TM4SF4: variants seen among roughly 807,000 people sequenced by gnomAD.
The protein encoded by TM4SF4 is transmembrane 4 L six family member 4.
In TM4SF4, 24 loss-of-function variants were observed where a neutral mutation model predicts 24.1. That is an observed-to-expected ratio of 1.00 (90% CI 0.72 to 1.40). The LOEUF (loss-of-function observed/expected upper bound fraction) is 1.40. Among genes scored for constraint, TM4SF4 ranks in the 40% most tolerant of loss-of-function variants. TM4SF4 has a pLI of 0.00. For synonymous variants in TM4SF4, 113 were observed against 97.0 expected (o/e 1.17, Z -0.97); for missense variants, 254 against 254.2 (o/e 1.00, Z 0.01).
rs1490309033 is a variant in TM4SF4, at chr3:149,502,900, A to G, written c.*207A>G. 4.2e-6 allele frequency: 2 copies of G among 478,518 alleles called. No individual in the cohort carries two copies. The highest frequency in any genetic ancestry group is 7.4e-6 in the Non-Finnish European group (2 of 270,224). The allele number at this position is 478,518 out of a possible 1,614,324, so 29.6% of individuals were successfully genotyped here. ...AAAAAATAGTTTGGCCACTTAACAA[A>G]TTTGATTTATAAATCTTTCAAATTA... On this transcript the variant is annotated 3_prime_UTR_variant, in exon 5 of 5. Transcript: ENST00000305354.
intron 4 of TM4SF4, among the ~76,000 whole-genome samples, chr3:149,501,307 A>C (rs895501284): frequency 1.3e-5 from 2 of 151,858 alleles, no homozygotes; most frequent in Non-Finnish European, 2.9e-5. Flanking sequence ...ACACACAAGA[A>C]TTGTCCATTT....
intron 3 of TM4SF4, 143 bp downstream of exon 3, chr3:149,487,898 T>A: frequency 3.3e-6 from 4 of 1,199,394 alleles, no homozygotes; most frequent in Non-Finnish European, 4.6e-6. Context: ...AGAGATGGAG[T>A]TGTGGAATAC....
intron 2 of TM4SF4, among the ~76,000 whole-genome samples, chr3:149,482,355 G>A (rs1734047857): frequency 6.6e-6 from 1 of 152,244 alleles, no homozygotes; most frequent in South Asian, 2.1e-4. Flanking sequence ...TATGCCCATA[G>A]CACAAAAACC....
intron 3 of TM4SF4, chr3:149,494,969 T>G (rs13084349): frequency 0.85 from 154,586 of 182,180 alleles, 67,310 homozygotes; most frequent in Non-Finnish European, 0.95. Context: ...CACATCTCAG[T>G]CTGACTGTGC....
intron 3 of TM4SF4, among the ~76,000 whole-genome samples, chr3:149,496,581 C>A (rs894200058): frequency 6.6e-6 from 1 of 152,074 alleles, no homozygotes; most frequent in African/African-American, 2.4e-5. Context: ...CCAGCCTGAC[C>A]AACATGGAGA....
chr3:149,485,826 A>G (rs1225120157), intron 2 of TM4SF4, among the ~76,000 whole-genome samples: 1 of 152,086 alleles, frequency 6.6e-6, no homozygotes, highest in East Asian at 1.9e-4. Flanking sequence ...AAAAAAACCT[A>G]TGCATTATTG....
In TM4SF4 at chr3:149,498,704, C is replaced by A; in HGVS notation, c.402-18C>A. Reference sequence around the variant, plus strand: ...CACTTTTTACAAATGTTTCCTTTGTCCCCTATATCACCAACAGGGATTATC... The same window carrying A: ...CACTTTTTACAAATGTTTCCTTTGTACCCTATATCACCAACAGGGATTATC... On this transcript the variant is annotated intron_variant, in intron 3 of 4. Transcript: ENST00000305354. The A allele has an allele frequency of 6.2e-7, 1 of 1,611,632 alleles. No individual in the cohort carries two copies. Among genetic ancestry groups the A allele is most frequent in the Non-Finnish European group, 8.5e-7 (1 of 1,177,946 alleles).
chr3:149,491,559 A>C (rs766528719), intron 3 of TM4SF4, among the ~76,000 whole-genome samples: 1 of 151,130 alleles, frequency 6.6e-6, no homozygotes, highest in Non-Finnish European at 1.5e-5. Context: ...ATCTACTTTT[A>C]TATATGTGTA....
In TM4SF4 at chr3:149,503,384, T is replaced by A. The variant is rs1734465842; in HGVS notation, c.*691T>A. The A allele has an allele frequency of 6.6e-6, 1 of 152,252 alleles. No homozygotes were observed. Among genetic ancestry groups the A allele is most frequent in the Non-Finnish European group, 1.5e-5 (1 of 68,064 alleles). 9.4% of individuals were successfully genotyped at this position (152,252 alleles called of 1,614,324 possible). The stretch of plus-strand genomic sequence containing the variant: ...CTTTGATCAAACAAAAAAAAGTTTT[T>A]AAAAAATTGATTTAAGTAATAATTT... On this transcript the variant is annotated 3_prime_UTR_variant, in exon 5 of 5. Coordinates refer to ENST00000305354, the MANE Select transcript of TM4SF4 (RefSeq NM_004617.4).
chr3:149,489,832 A>T (rs996201777), intron 3 of TM4SF4, among the ~76,000 whole-genome samples: 8 of 152,368 alleles, frequency 5.3e-5, no homozygotes, highest in Admixed American at 4.6e-4. Context: ...ATTTGATAAT[A>T]AAAACAGAAT....
intron 3 of TM4SF4, among the ~76,000 whole-genome samples, chr3:149,491,843 C>T (rs1219390930): frequency 6.6e-6 from 1 of 152,112 alleles, no homozygotes; most frequent in African/African-American, 2.4e-5. Flanking sequence ...ACATTTCAGG[C>T]ATGAAAAGGC....
At chr3:149,482,923 T>A (rs2107868541) in intron 2 of TM4SF4, among the ~76,000 whole-genome samples, 1 of 152,330 alleles carries the variant, frequency 6.6e-6, no homozygotes, top group Admixed American at 6.5e-5. Context: ...ACTGATCATA[T>A]CTCTAAGAAT....
intron 2 of TM4SF4, among the ~76,000 whole-genome samples, chr3:149,476,463 G>A (rs566273370): frequency 7.5e-5 from 10 of 132,962 alleles, no homozygotes; most frequent in South Asian, 2.3e-4. Context: ...TGTTTCATGC[G>A]GCCATCGATC....
chr3:149,502,769 G>T lies in TM4SF4; in HGVS notation c.*76G>T. The stretch of plus-strand genomic sequence containing the variant: ...TTTCATAAAACTTCTTCTCTTCTTG[G>T]AATTATTAATTCCTATCTGCTTCCT... On this transcript the variant is annotated 3_prime_UTR_variant, in exon 5 of 5. Transcript: ENST00000305354. 9.0e-7 allele frequency: 1 copy of T among 1,105,712 alleles called. No homozygotes were observed. The highest frequency in any genetic ancestry group is 1.3e-5 in the South Asian group (1 of 75,176). The allele number at this position is 1,105,712 out of a possible 1,614,324, so 68.5% of individuals were successfully genotyped here.
At chr3:149,475,076 C>G in intron 1 of TM4SF4, 25 bp downstream of exon 1, 2 of 1,595,196 alleles carry the variant, frequency 1.3e-6, no homozygotes, top group Non-Finnish European at 1.7e-6. Flanking sequence ...TTAAAATCCC[C>G]CTAAGGGAGA....
At chr3:149,477,499 T>C (rs1239970680) in intron 2 of TM4SF4, among the ~76,000 whole-genome samples, 3 of 152,256 alleles carry the variant, frequency 2.0e-5, no homozygotes, top group Non-Finnish European at 4.4e-5. Context: ...AGGATCCTTT[T>C]AACATTTCTT....
chr3:149,478,573 T>C (rs1162239976), intron 2 of TM4SF4, among the ~76,000 whole-genome samples: 1 of 152,222 alleles, frequency 6.6e-6, no homozygotes, highest in Non-Finnish European at 1.5e-5. Flanking sequence ...GAACCTGCCC[T>C]TGGCATGAAT....
intron 2 of TM4SF4, among the ~76,000 whole-genome samples, chr3:149,479,362 TTTTC>T (rs1469407535): frequency 1.1e-4 from 14 of 125,352 alleles, no homozygotes; most frequent in Admixed American, 9.6e-4. Context: ...TTTTCTTTTC[TTTTC>T]TTTTTTTTTT....
chr3:149,499,852 G>A (rs1734384996), intron 4 of TM4SF4, among the ~76,000 whole-genome samples: 1 of 152,160 alleles, frequency 6.6e-6, no homozygotes, highest in Non-Finnish European at 1.5e-5. Flanking sequence ...TCCAGTCTGT[G>A]TGACAGAGTG....
Sources: gnomAD v4.1 joint callset for allele counts (sites outside exome capture counted in the v4.1 genomes callset) on GRCh38, gnomAD v4.1.1 for gene constraint, MANE v1.5 for transcripts, NCBI Gene and HGNC (gene_info 2026-07-23, HGNC 2026-07-21) for gene names.